The following TTLL11 variants were observed in gnomAD, a reference collection of about 807,000 sequenced individuals.
TTLL11 encodes the protein tubulin polyglutamylase TTLL11.
TTLL11 carries 42 observed loss-of-function variants against 51.7 expected under a neutral mutation model. The observed-to-expected ratio is 0.81, with a 90% CI of 0.64 to 1.05. The LOEUF (loss-of-function observed/expected upper bound fraction) is 1.05. Among genes scored for constraint, TTLL11 ranks in the 50% least tolerant of loss-of-function variants. The pLI, the probability that TTLL11 is intolerant of heterozygous loss-of-function variation, is 0.00. For missense variants in TTLL11, 799 were observed against 940.4 expected (o/e 0.85, Z 1.97); for synonymous variants, 381 against 383.5 (o/e 0.99, Z 0.08).
chr9:121,901,844 C>T (rs59555548), intron 6 of TTLL11, among the ~76,000 whole-genome samples: 2 of 152,172 alleles, frequency 1.3e-5, no homozygotes, highest in Non-Finnish European at 2.9e-5. Flanking sequence ...CACCTGTTCA[C>T]TCCCTCTGAA....
chr9:121,963,053 T>C (rs1449894550), intron 6 of TTLL11, among the ~76,000 whole-genome samples: 1 of 152,246 alleles, frequency 6.6e-6, no homozygotes, highest in East Asian at 1.9e-4. Flanking sequence ...AATCTCAGTC[T>C]GTCTCTCATA....
intron 3 of TTLL11, among the ~76,000 whole-genome samples, chr9:122,000,880 G>A (rs554470612): frequency 3.9e-5 from 6 of 152,206 alleles, no homozygotes; most frequent in East Asian, 3.9e-4. Context: ...ATCAGGACCC[G>A]TTTCTGGTTA....
At chr9:121,917,216 C>T (rs1347829434) in intron 6 of TTLL11, among the ~76,000 whole-genome samples, 1 of 152,046 alleles carries the variant, frequency 6.6e-6, no homozygotes, top group East Asian at 1.9e-4. Context: ...GCCTATAATC[C>T]CAGTGCTTTT....
rs768980481 is a variant in TTLL11 at position 121,853,519 on chromosome 9, T to G, written c.1840+6818A>C. Among the ~76,000 whole-genome samples the G allele has an allele frequency of 2.4e-4, 36 of 151,624 alleles. No homozygotes were observed. The highest frequency in any genetic ancestry group is 4.3e-4 in the Non-Finnish European group (29 of 67,848). On this transcript the variant is annotated intron_variant, in intron 8 of 8. Transcript: ENST00000321582. The surrounding 1 kb of genome is among the most constrained non-coding windows in gnomAD (Gnocchi z 5.6). ...CTGGCTGGAGTGAGTGTGAGGCTAG[T>G]GATGAGTGGGGATGCAGAGTGGACA... is the stretch of plus-strand genomic sequence containing the variant.
At chr9:121,869,943 G>T (rs1017325559) in intron 7 of TTLL11, among the ~76,000 whole-genome samples, 13 of 152,180 alleles carry the variant, frequency 8.5e-5, no homozygotes, top group African/African-American at 3.1e-4. Flanking sequence ...CTGCAGCAAA[G>T]ATATAATTTC....
chr9:121,828,377 C>G (rs1230016439), intron 8 of TTLL11, among the ~76,000 whole-genome samples: 2 of 152,022 alleles, frequency 1.3e-5, no homozygotes, highest in Non-Finnish European at 2.9e-5. Flanking sequence ...GTTTCGCCTT[C>G]TTGGCCAGGC....
At chr9:121,903,241 A>G (rs568626692) in intron 6 of TTLL11, among the ~76,000 whole-genome samples, 27 of 152,150 alleles carry the variant, frequency 1.8e-4, no homozygotes, top group Non-Finnish European at 3.2e-4. Context: ...GAGCTTGCCC[A>G]GCATCACAAC....
chr9:122,016,538 C>T (rs902641446), intron 3 of TTLL11, among the ~76,000 whole-genome samples: 9 of 152,130 alleles, frequency 5.9e-5, no homozygotes, highest in African/African-American at 2.2e-4. Flanking sequence ...TTCTTTCTGC[C>T]TTGACTCTGA....
intron 3 of TTLL11, among the ~76,000 whole-genome samples, chr9:122,016,723 C>T (rs1305410406): frequency 2.6e-5 from 4 of 152,178 alleles, no homozygotes; most frequent in Admixed American, 2.0e-4. Context: ...CTGCTTCCCT[C>T]CAAGAAACTG....
At chr9:121,911,536 C>T (rs1286022896) in intron 6 of TTLL11, among the ~76,000 whole-genome samples, 1 of 152,140 alleles carries the variant, frequency 6.6e-6, no homozygotes, top group Non-Finnish European at 1.5e-5. Flanking sequence ...GAAACCAACC[C>T]AAATGCCCAT....
At chr9:122,032,661 A>T (rs1301092015) in intron 2 of TTLL11, among the ~76,000 whole-genome samples, 1 of 149,564 alleles carries the variant, frequency 6.7e-6, no homozygotes, top group Non-Finnish European at 1.5e-5. Context: ...AAAAAAAAAA[A>T]GGTTGGTGGA....
intron 1 of TTLL11, among the ~76,000 whole-genome samples, chr9:122,045,466 G>C (rs974922425): frequency 3.7e-4 from 56 of 152,062 alleles, no homozygotes; most frequent in African/African-American, 1.3e-3. Context: ...CAGGAGAATC[G>C]CTTGAACCCA....
chr9:121,880,790 T>C (rs1838755856), intron 6 of TTLL11, among the ~76,000 whole-genome samples: 1 of 152,162 alleles, frequency 6.6e-6, no homozygotes. Context: ...CTCACAACAA[T>C]CCAATTAGTT....
At chr9:122,074,539 TG>T (rs1411464075) in intron 1 of TTLL11, among the ~76,000 whole-genome samples, 2 of 152,170 alleles carry the variant, frequency 1.3e-5, no homozygotes, top group Non-Finnish European at 2.9e-5. Flanking sequence ...AAGAATTTTC[TG>T]GCAATGGCAG....
chr9:121,987,834 C>T (rs189055447), intron 4 of TTLL11, among the ~76,000 whole-genome samples: 122 of 152,132 alleles, frequency 8.0e-4, no homozygotes, highest in African/African-American at 2.8e-3. Flanking sequence ...TCAGTCTTCT[C>T]GTCACCCTCT....
At chr9:121,896,206 C>T (rs961287361) in intron 6 of TTLL11, among the ~76,000 whole-genome samples, 1 of 152,234 alleles carries the variant, frequency 6.6e-6, no homozygotes, top group South Asian at 2.1e-4. Context: ...ACCCAAGACA[C>T]GGAATGCTGG....
rs1297830505 is a variant in TTLL11 at position 121,820,177 on chromosome 9, A to G, written c.*2410T>C. ...AGAGCTGATGTTTTCATATCACCCC[A>G]AACAAGGTGGCTGGAATTCAACCTC... is the stretch of plus-strand genomic sequence containing the variant. On this transcript the variant is annotated 3_prime_UTR_variant, in exon 9 of 9. Transcript: ENST00000321582. Among the ~76,000 whole-genome samples the G allele has an allele frequency of 6.6e-6, 1 of 152,242 alleles. No individual in the cohort carries two copies. Among genetic ancestry groups the G allele is most frequent in the Non-Finnish European group, 1.5e-5 (1 of 68,042 alleles).
At chr9:121,928,120 G>A (rs73662524) in intron 6 of TTLL11, among the ~76,000 whole-genome samples, 11,740 of 152,120 alleles carry the variant, frequency 0.077, 663 homozygotes, top group African/African-American at 0.16. Context: ...AGTACCAGAG[G>A]GGGCTACGGG....
chr9:121,944,259 G>C (rs967827136), intron 6 of TTLL11, among the ~76,000 whole-genome samples: 1 of 152,174 alleles, frequency 6.6e-6, no homozygotes, highest in Non-Finnish European at 1.5e-5. Flanking sequence ...TGTAATCTCA[G>C]CACTTTGGGA....
Sources: gnomAD v4.1 joint callset for allele counts (sites outside exome capture counted in the v4.1 genomes callset) on GRCh38, gnomAD v4.1.1 for gene constraint, Gnocchi (gnomAD v3.1) non-coding constraint, MANE v1.5 for transcripts, NCBI Gene and HGNC (gene_info 2026-07-23, HGNC 2026-07-21) for gene names.